Variants in SF3B1 observed in about 807,000 individuals in gnomAD.
The protein encoded by SF3B1 is splicing factor 3b subunit 1.
In SF3B1, 12 loss-of-function variants were observed where a neutral mutation model predicts 153.8. The observed-to-expected ratio is 0.08, with a 90% confidence interval of 0.05 to 0.13. The LOEUF (loss-of-function observed/expected upper bound fraction) is 0.13. Ranked by LOEUF, SF3B1 falls within the 10% of genes least tolerant of loss-of-function variation. The probability of loss-of-function intolerance (pLI) is 1.00; values close to 1 mark genes in which losing one functional copy is unlikely to be tolerated. For synonymous variants in SF3B1, 498 were observed against 525.2 expected (o/e 0.95, Z 0.71); for missense variants, 513 against 1,606.1 (o/e 0.32, Z 11.63).
In SF3B1 at chr2:197,400,593, C is replaced by T. The variant is rs2084928056; in HGVS notation, c.2718+122G>A. 5.0e-6 allele frequency: 5 copies of T among 1,007,642 alleles called. No individual in the cohort carries two copies. The highest frequency in any genetic ancestry group is 2.5e-5 in the East Asian group (1 of 39,244). The allele number at this position is 1,007,642 out of a possible 1,614,324, so 62.4% of individuals were successfully genotyped here. On this transcript the variant is annotated intron_variant, in intron 18 of 24. Transcript: ENST00000335508. The surrounding 1 kb of genome is among the most constrained non-coding windows in gnomAD (Gnocchi z 5.0). ...GGTAGAATAATATCGTTTGGTAACC[C>T]CCTGAGCATTTTAAAAATTACTTCA...
intron 1 of SF3B1, among the ~76,000 whole-genome samples, chr2:197,425,577 AC>A (rs11464752): frequency 4.0e-5 from 6 of 151,772 alleles, no homozygotes; most frequent in African/African-American, 1.2e-4. Flanking sequence ...AAAACCTCCC[AC>A]CCCCCCAGCT....
Position 197,400,547 on chromosome 2 carries a change from A to G in SF3B1, c.2719-113T>C. On this transcript the variant is annotated intron_variant, in intron 18 of 24. Transcript: ENST00000335508. The surrounding 1 kb of genome is among the most constrained non-coding windows in gnomAD (Gnocchi z 5.0). The stretch of plus-strand genomic sequence containing the variant: ...CCCAAACATCTGTTGCTGTTTTTTT[A>G]CATCAAATCTTAAAACTTGAGGTAG... 9.2e-7 allele frequency: 1 copy of G among 1,087,972 alleles called. No homozygotes were observed. Among genetic ancestry groups the G allele is most frequent in the Non-Finnish European group, 1.3e-6 (1 of 763,782 alleles). 67.4% of individuals were successfully genotyped at this position (1,087,972 alleles called of 1,614,324 possible). A position where few individuals can be genotyped will look rare whatever the true frequency, so the allele number is the denominator to read the frequency against.
chr2:197,421,528 T>C (rs904962611), intron 2 of SF3B1, among the ~76,000 whole-genome samples: 1 of 152,216 alleles, frequency 6.6e-6, no homozygotes, highest in Non-Finnish European at 1.5e-5. Flanking sequence ...TTAACAACCA[T>C]AGAAACAAAT....
At chr2:197,416,615 A>G in intron 6 of SF3B1, 126 bp downstream of exon 6, 3 of 800,598 alleles carry the variant, frequency 3.7e-6, no homozygotes, top group Non-Finnish European at 5.8e-6. Flanking sequence ...CTGCGAAAAA[A>G]ATCAATGTCT....
In SF3B1 at chr2:197,402,422, T is replaced by C; in HGVS notation, c.2077+134A>G. ...AACATGGACAGGCTGTGTGTGTACC[T>C]CTAGTCCCAACTACTAAGGAGGCTG... On this transcript the variant is annotated intron_variant, in intron 14 of 24. Transcript: ENST00000335508. The surrounding 1 kb of genome is among the most constrained non-coding windows in gnomAD (Gnocchi z 4.6). The C allele has an allele frequency of 1.3e-6, 1 of 790,556 alleles. No homozygotes were observed. Among genetic ancestry groups the C allele is most frequent in the Non-Finnish European group, 2.0e-6 (1 of 507,394 alleles). The allele number at this position is 790,556 out of a possible 1,614,324, so 49.0% of individuals were successfully genotyped here.
intron 6 of SF3B1, 168 bp downstream of exon 6, chr2:197,416,573 G>T: frequency 3.5e-6 from 2 of 568,860 alleles, no homozygotes; most frequent in East Asian, 2.9e-5. Context: ...AACCCTGTTG[G>T]CACTCTGATC....
At chr2:197,412,241 G>A (rs1209078169) in intron 6 of SF3B1, among the ~76,000 whole-genome samples, 3 of 151,824 alleles carry the variant, frequency 2.0e-5, no homozygotes, top group Non-Finnish European at 2.9e-5. Context: ...AGGAAAGGTG[G>A]GAAATGAATT....
rs996146920 is a variant in SF3B1 at position 197,416,726 on chromosome 2, A to G, written c.666+15T>C. Reference sequence around the variant, plus strand: ...AATTTTTTAACAGTAATAACAAAAAACAAAAAGAAATTACCTCTGCCTGAT... The same window carrying G: ...AATTTTTTAACAGTAATAACAAAAAGCAAAAAGAAATTACCTCTGCCTGAT... On this transcript the variant is annotated intron_variant, in intron 6 of 24. Transcript: ENST00000335508. The G allele has an allele frequency of 1.3e-6, 2 of 1,595,740 alleles. No homozygotes were observed. Among genetic ancestry groups the G allele is most frequent in the East Asian group, 4.5e-5 (2 of 44,708 alleles).
At position 197,409,792 on chromosome 2, in the gene SF3B1, A is replaced by T; in HGVS notation, c.882T>A (p.Asp294Glu). The T allele has an allele frequency of 1.2e-6, 2 of 1,613,874 alleles. No homozygotes were observed. The highest frequency in any genetic ancestry group is 1.7e-6 in the Non-Finnish European group (2 of 1,179,800). ...TACCTCTCTCTGTTTTGGGGGTTTCATCCCATCTGTTTTTACGAGCACTGG... is the reference window on the plus strand; with the variant it reads ...TACCTCTCTCTGTTTTGGGGGTTTCTTCCCATCTGTTTTTACGAGCACTGG... ...ATSSARKNRW[D>E]ETPKTERDTP... The change falls in exon 7 of 25, where the codon GAT (aspartate) becomes GAA (glutamate). Residue 294 changes from aspartate to glutamate, a missense_variant. Coordinates refer to ENST00000335508, the MANE Select transcript of SF3B1 (RefSeq NM_012433.4).
At chr2:197,420,374 C>T (rs1404086392) in intron 4 of SF3B1, 54 bp downstream of exon 4, 7 of 1,363,112 alleles carry the variant, frequency 5.1e-6, no homozygotes, top group South Asian at 1.2e-5. Context: ...GGGCTAAAGA[C>T]AACTTAATAC....
chr2:197,404,287 T>C (rs2084965143), intron 11 of SF3B1, among the ~76,000 whole-genome samples: 1 of 151,862 alleles, frequency 6.6e-6, no homozygotes, highest in Non-Finnish European at 1.5e-5. Context: ...TAAATAATAA[T>C]AAAAACAAAC....
At chr2:197,434,909 G>A (rs1409170782) in intron 1 of SF3B1, 63 bp downstream of exon 1, 12 of 1,549,026 alleles carry the variant, frequency 7.7e-6, no homozygotes, top group Non-Finnish European at 1.1e-5. Flanking sequence ...CAGAATCCTA[G>A]GAAAAAAGGC....
At chr2:197,434,812 CAG>C (rs2085497094) in intron 1 of SF3B1, among the ~76,000 whole-genome samples, 158 bp downstream of exon 1, 1 of 152,252 alleles carries the variant, frequency 6.6e-6, no homozygotes, top group African/African-American at 2.4e-5. Context: ...TTACGCGGGG[CAG>C]TGGCCTGCGC....
chr2:197,406,968 GC>G (rs1559268008), intron 9 of SF3B1, among the ~76,000 whole-genome samples: 1 of 151,986 alleles, frequency 6.6e-6, no homozygotes, highest in Non-Finnish European at 1.5e-5. Context: ...CATGCCTGTA[GC>G]CCCAGCTACT....
intron 6 of SF3B1, among the ~76,000 whole-genome samples, chr2:197,412,196 T>G (rs904172693): frequency 7.3e-5 from 11 of 151,684 alleles, no homozygotes; most frequent in Admixed American, 1.3e-4. Context: ...GTTTAAAATC[T>G]CCATTCTGGC....
At chr2:197,393,807 T>G (rs1260066798) in intron 23 of SF3B1, among the ~76,000 whole-genome samples, 1 of 152,190 alleles carries the variant, frequency 6.6e-6, no homozygotes, top group Non-Finnish European at 1.5e-5. Flanking sequence ...GTCTTGGCTT[T>G]ATTATGCTAC....
chr2:197,407,873 T>C (rs567005144), intron 9 of SF3B1, 125 bp downstream of exon 9: 66 of 748,488 alleles, frequency 8.8e-5, no homozygotes, highest in Non-Finnish European at 1.3e-4. Flanking sequence ...TACCTGGAAA[T>C]AGCTAAGAGA....
intron 2 of SF3B1, among the ~76,000 whole-genome samples, chr2:197,423,538 G>A (rs1384902707): frequency 6.6e-6 from 1 of 152,142 alleles, no homozygotes; most frequent in Non-Finnish European, 1.5e-5. Context: ...ATAAGTAATG[G>A]TAGGGATTTA....
In SF3B1 at chr2:197,408,432, C is replaced by T; in HGVS notation, c.1054G>A (p.Val352Ile). ...ATTGGTGTCTTTCCAGGGGTCAGAACTGGAGTGCTTCCACCCATCTGACTA... is the reference window on the plus strand; with the variant it reads ...ATTGGTGTCTTTCCAGGGGTCAGAATTGGAGTGCTTCCACCCATCTGACTA... ...PASQMGGSTP[V>I]LTPGKTPIGT... Residue 352 changes from valine (V) to isoleucine (I), a missense_variant, in exon 8 of 25, where the codon GTT (valine) becomes ATT (isoleucine). Physicochemically the swap from Val to Ile is conservative, Grantham distance 29. Transcript: ENST00000335508. The T allele has an allele frequency of 1.9e-6, 3 of 1,614,150 alleles. No homozygotes were observed. Among genetic ancestry groups the T allele is most frequent in the Non-Finnish European group, 2.5e-6 (3 of 1,180,030 alleles).
Sources: allele counts gnomAD v4.1 joint callset (sites outside exome capture counted in the v4.1 genomes callset), GRCh38; gene constraint gnomAD v4.1.1; non-coding constraint Gnocchi (gnomAD v3.1); transcripts MANE v1.5; gene names NCBI Gene and HGNC (gene_info 2026-07-23, HGNC 2026-07-21).